SFXN5: variants seen among roughly 807,000 people sequenced by gnomAD.
The protein encoded by SFXN5 is sideroflexin-5.
Under a neutral mutation model 50.2 loss-of-function variants are expected in SFXN5, and 43 were observed. The ratio of observed to expected loss-of-function variants is 0.86; its 90% CI spans 0.67 to 1.11. The LOEUF is 1.11. SFXN5 is among the 50% of genes least tolerant of loss of function. The pLI, the probability that SFXN5 is intolerant of heterozygous loss-of-function variation, is 0.00. For missense variants in SFXN5, 463 were observed against 454.1 expected, an observed-to-expected ratio of 1.02 and a Z score of -0.18; for synonymous variants, 203 against 185.8, an observed-to-expected ratio of 1.09 and a Z score of -0.75.
At chr2:72,947,097 G>A (rs908599590) in intron 13 of SFXN5, among the ~76,000 whole-genome samples, 1 of 152,106 alleles carries the variant, frequency 6.6e-6, no homozygotes, top group East Asian at 1.9e-4. Context: ...TACGCTGGGC[G>A]TGGCCACCTC....
intron 1 of SFXN5, among the ~76,000 whole-genome samples, chr2:73,069,700 G>A (rs1279435726): frequency 2.0e-5 from 3 of 152,052 alleles, no homozygotes; most frequent in African/African-American, 7.3e-5. Context: ...TGGCTCTAGA[G>A]CAGTGCTCAC....
intron 6 of SFXN5, among the ~76,000 whole-genome samples, chr2:73,019,193 G>C (rs898581008): frequency 1.3e-5 from 2 of 152,166 alleles, no homozygotes; most frequent in East Asian, 1.9e-4. Flanking sequence ...AGCACATGTT[G>C]ATGATTACAT....
intron 13 of SFXN5, among the ~76,000 whole-genome samples, chr2:72,948,578 A>G (rs1573923862): frequency 6.6e-6 from 1 of 152,256 alleles, no homozygotes; most frequent in African/African-American, 2.4e-5. Context: ...GCTGCTCAGC[A>G]CCACCATGCA....
At chr2:72,966,183 G>A (rs1417673802) in intron 12 of SFXN5, among the ~76,000 whole-genome samples, 1 of 152,184 alleles carries the variant, frequency 6.6e-6, no homozygotes, top group African/African-American at 2.4e-5. Flanking sequence ...GCCTTGAGTG[G>A]TAGGCGTCCA....
chr2:72,979,628 C>G (rs576351655), intron 10 of SFXN5, among the ~76,000 whole-genome samples: 1 of 151,996 alleles, frequency 6.6e-6, no homozygotes, highest in African/African-American at 2.4e-5. Flanking sequence ...AGCAAGACTC[C>G]GTCTATAAAT....
Position 72,945,091 on chromosome 2 carries a change from T to C in SFXN5, c.954A>G (p.Thr318=), listed in dbSNP as rs1559071130. Residue 318 remains threonine, a synonymous_variant, in exon 14 of 14, where the codon ACA becomes ACG. Transcript: ENST00000272433. The surrounding 1 kb of genome is among the most constrained non-coding windows in gnomAD (Gnocchi z 5.8). ...GGGCTATCTCCGGCTCTAATTGGGA[T>C]GTTTCAATCTGTGGAGAGAGAACAG... ...SLFPQMSEIE[T]SQLEPEIAQA... is the part of the protein sequence containing the mutation. 1 of 1,613,724 alleles carries C rather than the reference T, an allele frequency of 6.2e-7. No individual in the cohort carries two copies. Among genetic ancestry groups the C allele is most frequent in the Non-Finnish European group, 8.5e-7 (1 of 1,179,868 alleles).
At position 73,046,163 on chromosome 2, in the gene SFXN5, C is replaced by T. The variant is rs1680294919; in HGVS notation, c.172-5232G>A. On this transcript the variant is annotated intron_variant, in intron 2 of 13. Coordinates refer to ENST00000272433, the MANE Select transcript of SFXN5 (RefSeq NM_144579.3). ...GCAGCTCACGCCTGTAATCCCAGCA[C>T]TTTGGGAAGTTGAGGCAGGCAGATT... 3.3e-5 allele frequency among the ~76,000 whole-genome samples: 5 copies of T among 152,172 alleles called. No homozygotes were observed. The South Asian group carries it at 1.0e-3, about 31-fold the overall frequency.
intron 13 of SFXN5, among the ~76,000 whole-genome samples, chr2:72,951,007 C>T (rs756553540): frequency 6.6e-6 from 1 of 152,162 alleles, no homozygotes; most frequent in Non-Finnish European, 1.5e-5. Context: ...GGCTCCTCCC[C>T]GGGCACCCAA....
In SFXN5 at chr2:73,071,640, T is replaced by C. The variant is rs754935636; in HGVS notation, c.66A>G (p.Ala22=). The C allele has an allele frequency of 1.9e-6, 3 of 1,613,498 alleles. No individual in the cohort carries two copies. The highest frequency in any genetic ancestry group is 2.5e-6 in the Non-Finnish European group (3 of 1,179,886). The part of the protein sequence containing the change: ...AASAASASSD[A]PPFQLGKPRF... The stretch of plus-strand genomic sequence containing the variant: ...GGGGTTTGCCCAGTTGGAAAGGAGG[T>C]GCATCGCTCGAGGCGCTAGCGGCAC... The change falls in exon 1 of 14, where the codon GCA becomes GCG. Residue 22 remains alanine (A), a synonymous_variant. Transcript: ENST00000272433.
chr2:73,022,573 T>G lies in SFXN5; in HGVS notation c.280A>C (p.Ile94Leu), dbSNP rs1254996778. 1 of 1,406,354 alleles carries G rather than the reference T, an allele frequency of 7.1e-7. No individual in the cohort carries two copies. The highest frequency in any genetic ancestry group is 2.1e-5 in the Admixed American group (1 of 48,724). 87.1% of individuals were successfully genotyped at this position (1,406,354 alleles called of 1,614,324 possible). A position where few individuals can be genotyped will look rare whatever the true frequency, so the allele number is the denominator to read the frequency against. ...LWSAQKIKQA[I>L]LHPDTNEKIF... ...TTCTCATTGGTGTCCGGATGTAGAA[T>G]AGCCTGGCAAAAGCAGGAACAGAGA... The change falls in exon 5 of 14, where the codon ATT (isoleucine) becomes CTT (leucine). Residue 94 changes from isoleucine to leucine, a missense_variant. Transcript: ENST00000272433.
intron 6 of SFXN5, among the ~76,000 whole-genome samples, chr2:73,006,364 G>C (rs892512494): frequency 1.8e-4 from 27 of 152,214 alleles, no homozygotes; most frequent in Admixed American, 1.6e-3. Flanking sequence ...GCTCACGCCT[G>C]CAATCCCAGC....
chr2:72,970,119 G>A (rs985023615), intron 11 of SFXN5, among the ~76,000 whole-genome samples: 3 of 152,206 alleles, frequency 2.0e-5, no homozygotes, highest in Non-Finnish European at 4.4e-5. Context: ...ACTGACAGGA[G>A]TTATCATGGC....
rs942866064 is a variant in SFXN5 at position 72,946,771 on chromosome 2, C to T, written c.946-1672G>A. Among the ~76,000 whole-genome samples the T allele has an allele frequency of 6.6e-5, 10 of 152,294 alleles. No homozygotes were observed. The South Asian group carries it at 1.0e-3, about 16-fold the overall frequency. ...CCACAAGGTCTCATCCAGCCCAGTC[C>T]GTCCCCAACCACAGCCAGTGCCGGC... On this transcript the variant is annotated intron_variant, in intron 13 of 13. Transcript: ENST00000272433.
chr2:73,069,656 C>T (rs535485361), intron 1 of SFXN5, among the ~76,000 whole-genome samples: 58 of 152,276 alleles, frequency 3.8e-4, no homozygotes, highest in African/African-American at 1.3e-3. Flanking sequence ...ACCGCTATGG[C>T]TGCAGGAACA....
chr2:73,057,117 G>T (rs148928293), intron 2 of SFXN5, among the ~76,000 whole-genome samples: 1 of 152,132 alleles, frequency 6.6e-6, no homozygotes, highest in Non-Finnish European at 1.5e-5. Context: ...ACTAATACAT[G>T]CAATGACACA....
intron 2 of SFXN5, chr2:73,053,556 G>C (rs1264390883): frequency 6.6e-6 from 1 of 152,170 alleles, no homozygotes; most frequent in Non-Finnish European, 1.5e-5. Context: ...TTCTTCCTAA[G>C]AAAAATTACA....
Position 72,966,761 on chromosome 2 carries a change from G to A in SFXN5, c.827+1687C>T, listed in dbSNP as rs543265719. ...TTCTATCCTGCTCTCTGGGTCGGCC[G>A]CAGCCCCTCTCTGGGTACCAGCCCT... is the stretch of plus-strand genomic sequence containing the variant. On this transcript the variant is annotated intron_variant, in intron 12 of 13. Transcript: ENST00000272433. Among the ~76,000 whole-genome samples the A allele has an allele frequency of 2.2e-4, 33 of 152,296 alleles. No homozygotes were observed. The East Asian group carries it at 4.1e-3, about 19-fold the overall frequency.
intron 5 of SFXN5, among the ~76,000 whole-genome samples, chr2:73,021,870 G>A (rs1256606509): frequency 2.0e-5 from 3 of 152,212 alleles, no homozygotes; most frequent in South Asian, 2.1e-4. Flanking sequence ...AGCCTAGCTC[G>A]TGTACATGCC....
chr2:73,000,158 C>A (rs1673723706), intron 8 of SFXN5, among the ~76,000 whole-genome samples: 1 of 152,216 alleles, frequency 6.6e-6, no homozygotes, highest in South Asian at 2.1e-4. Context: ...CGAACTCATC[C>A]CTTGCACTGC....
Sources: allele counts gnomAD v4.1 joint callset (sites outside exome capture counted in the v4.1 genomes callset), GRCh38; gene constraint gnomAD v4.1.1; non-coding constraint Gnocchi (gnomAD v3.1); transcripts MANE v1.5; gene names NCBI Gene and HGNC (gene_info 2026-07-23, HGNC 2026-07-21).